Variants in PKD1L1 observed in about 807,000 individuals in gnomAD.
The protein encoded by PKD1L1 is polycystin-1-like protein 1.
PKD1L1 carries 236 observed loss-of-function variants against 323.4 expected under a neutral mutation model. That is an observed-to-expected ratio of 0.73 (90% confidence interval 0.66 to 0.81). PKD1L1 has a LOEUF of 0.81. Among genes scored for constraint, PKD1L1 ranks in the 40% least tolerant of loss-of-function variants. The pLI is 0.00. For missense variants in PKD1L1, 3,320 were observed against 3,508.0 expected, an observed-to-expected ratio of 0.95 and a Z score of 1.35; for synonymous variants, 1,344 against 1,335.0, an observed-to-expected ratio of 1.01 and a Z score of -0.15.
At chr7:47,884,769 T>C (rs1005796174) in intron 18 of PKD1L1, 112 bp from the exon 19 acceptor site, 4 of 836,740 alleles carry the variant, frequency 4.8e-6, no homozygotes, top group South Asian at 1.5e-5. Flanking sequence ...CTAGACTCCA[T>C]ACATTGCTCT....
intron 3 of PKD1L1, among the ~76,000 whole-genome samples, chr7:47,937,265 G>T (rs1263945518): frequency 1.5e-5 from 2 of 136,624 alleles, no homozygotes; most frequent in Non-Finnish European, 3.2e-5. Flanking sequence ...GGGGTGGGGG[G>T]GGGGGGCGCG....
At chr7:47,818,067 C>A (rs571062112) in intron 46 of PKD1L1, 1 of 1,367,770 alleles carries the variant, frequency 7.3e-7, no homozygotes, top group Non-Finnish European at 9.8e-7. Flanking sequence ...GACTTCTCTA[C>A]AAGTTTTGTC....
At chr7:47,929,625 A>G (rs540716815) in intron 6 of PKD1L1, 99 bp from the exon 7 acceptor site, 176 of 1,147,192 alleles carry the variant, frequency 1.5e-4, no homozygotes, top group Non-Finnish European at 2.1e-4. Context: ...GCCAGCTAGA[A>G]GCCAAGTCTG....
chr7:47,846,779 TG>T, intron 32 of PKD1L1, 99 bp downstream of exon 32: 2 of 1,090,440 alleles, frequency 1.8e-6, no homozygotes, highest in Non-Finnish European at 2.6e-6. Context: ...CAGCTTCTTA[TG>T]GACAAGGTTC....
chr7:47,943,166 ATATATAT>A (rs1788030742), intron 2 of PKD1L1, among the ~76,000 whole-genome samples: 59 of 32,892 alleles, frequency 1.8e-3, no homozygotes, highest in African/African-American at 7.4e-3. Context: ...AAAAAAAAAT[ATATATAT>A]ATATATATAT....
chr7:47,906,070 C>T, intron 9 of PKD1L1, 108 bp from the exon 10 acceptor site: 1 of 1,135,664 alleles, frequency 8.8e-7, no homozygotes, highest in South Asian at 2.0e-5. Flanking sequence ...CCCTTTGAAT[C>T]TCAATAAATT....
At chr7:47,807,336 T>C (rs1210864875) in intron 52 of PKD1L1, among the ~76,000 whole-genome samples, 1 of 152,034 alleles carries the variant, frequency 6.6e-6, no homozygotes, top group Non-Finnish European at 1.5e-5. Flanking sequence ...ACGAGCCTCA[T>C]CCTGCCTGGT....
intron 52 of PKD1L1, among the ~76,000 whole-genome samples, chr7:47,804,384 AAAATAGTACATG>A (rs1432418990): frequency 6.6e-6 from 1 of 152,228 alleles, no homozygotes; most frequent in African/African-American, 2.4e-5. Flanking sequence ...TATTTTGTTT[AAAATAGTACATG>A]TAAAATCATA....
At chr7:47,933,020 C>T (rs770755133) in intron 4 of PKD1L1, among the ~76,000 whole-genome samples, 7 of 152,124 alleles carry the variant, frequency 4.6e-5, no homozygotes, top group African/African-American at 7.2e-5. Context: ...TAGCATGGAG[C>T]TCAGAGAATA....
At position 47,792,731 on chromosome 7, in the gene PKD1L1, C is replaced by T. The variant is rs528540365; in HGVS notation, c.8422G>A (p.Asp2808Asn). Residue 2808 changes from aspartate (D) to asparagine (N), a missense_variant, in exon 56 of 57, where the codon GAC (aspartate) becomes AAC (asparagine). By Grantham distance (23) the Asp-to-Asn change is conservative. Coordinates refer to ENST00000289672, the MANE Select transcript of PKD1L1 (RefSeq NM_138295.5). ...ELLMKINGLS[D>N]SLQLPLLEKT... The stretch of plus-strand genomic sequence containing the variant: ...TCCAGAAGGGGGAGTTGTAGGCTGT[C>T]GGACAAACCATTAATCTTCATCAGA... The T allele has an allele frequency of 2.5e-5, 40 of 1,613,990 alleles. No homozygotes were observed. In the East Asian group the frequency reaches 4.2e-4, roughly 17 times the overall value.
chr7:47,843,201 T>G, intron 33 of PKD1L1, 32 bp from the exon 34 acceptor site: 1 of 1,542,154 alleles, frequency 6.5e-7, no homozygotes, highest in Admixed American at 1.8e-5. Flanking sequence ...TAAAGAAAAT[T>G]GCTCATGAAA....
intron 49 of PKD1L1, 88 bp downstream of exon 49, chr7:47,813,033 T>C: frequency 6.7e-7 from 1 of 1,498,162 alleles, no homozygotes; most frequent in Non-Finnish European, 9.0e-7. Context: ...AGGCTGCACC[T>C]GCTGCAGATG....
At chr7:47,867,692 T>C (rs1457804547) in intron 24 of PKD1L1, among the ~76,000 whole-genome samples, 1 of 152,160 alleles carries the variant, frequency 6.6e-6, no homozygotes, top group Non-Finnish European at 1.5e-5. Flanking sequence ...AAGGAAACCA[T>C]ATTTTTAAAA....
At chr7:47,779,702 T>C (rs892977644) in intron 56 of PKD1L1, among the ~76,000 whole-genome samples, 1 of 152,168 alleles carries the variant, frequency 6.6e-6, no homozygotes, top group Non-Finnish European at 1.5e-5. Flanking sequence ...CAGCAGAAAG[T>C]GCGAACATAT....
intron 55 of PKD1L1, among the ~76,000 whole-genome samples, chr7:47,793,849 G>A (rs1019710390): frequency 2.0e-5 from 3 of 152,110 alleles, no homozygotes; most frequent in African/African-American, 7.2e-5. Context: ...AGGCTGAGGT[G>A]GTCTCAGATG....
intron 8 of PKD1L1, among the ~76,000 whole-genome samples, chr7:47,914,768 T>C (rs58843089): frequency 0.029 from 4,363 of 149,342 alleles, 232 homozygotes; most frequent in African/African-American, 0.1. Flanking sequence ...ACATCCCCTC[T>C]CCCTCATCAG....
Position 47,808,357 on chromosome 7 carries a change from A to G in PKD1L1, c.7717T>C (p.Tyr2573His). ...LSVVGVSLTY[Y>H]AVSGHLVTLA... ...GTAACAAGGTGGCCGGAAACTGCAT[A>G]GTAGGTGAGGCTCACTCCAACCACG... Residue 2573 changes from tyrosine to histidine, a missense_variant, in exon 52 of 57, where the codon TAT becomes CAT. Transcript: ENST00000289672. 6.2e-7 allele frequency: 1 copy of G among 1,614,160 alleles called. No homozygotes were observed. The highest frequency in any genetic ancestry group is 8.5e-7 in the Non-Finnish European group (1 of 1,180,024).
chr7:47,812,129 TC>T, intron 49 of PKD1L1, 78 bp from the exon 50 acceptor site: 1 of 1,232,336 alleles, frequency 8.1e-7, no homozygotes, highest in Non-Finnish European at 1.1e-6. Flanking sequence ...CAGCTGCAGG[TC>T]CCATGCTGGG....
chr7:47,884,786 T>C (rs1786645446), intron 18 of PKD1L1, 129 bp from the exon 19 acceptor site: 6 of 760,678 alleles, frequency 7.9e-6, no homozygotes, highest in Admixed American at 2.1e-5. Flanking sequence ...CTCTGTGGAT[T>C]ACAAAATACC....
Sources: allele counts gnomAD v4.1 joint callset (sites outside exome capture counted in the v4.1 genomes callset), GRCh38; gene constraint gnomAD v4.1.1; transcripts MANE v1.5; gene names NCBI Gene and HGNC (gene_info 2026-07-23, HGNC 2026-07-21).